The following PDE4D variants were observed in gnomAD, a reference collection of about 807,000 sequenced individuals.
PDE4D encodes the protein 3',5'-cyclic-AMP phosphodiesterase 4D.
Under a neutral mutation model 87.4 loss-of-function variants are expected in PDE4D, and 24 were observed. That is an observed-to-expected ratio of 0.27 (90% CI 0.20 to 0.39). The LOEUF (loss-of-function observed/expected upper bound fraction) is 0.39, where lower values mean the gene tolerates loss of function less well. PDE4D is among the 10% of genes least tolerant of loss of function. The probability of loss-of-function intolerance (pLI) is 1.00; values close to 1 mark genes in which losing one functional copy is unlikely to be tolerated. For missense variants in PDE4D, 714 were observed against 1,041.0 expected (o/e 0.69, Z 4.32); for synonymous variants, 384 against 383.2 (o/e 1.00, Z -0.02).
intron 1 of PDE4D, among the ~76,000 whole-genome samples, chr5:60,260,407 T>C (rs1749528567): frequency 6.6e-6 from 1 of 152,106 alleles, no homozygotes; most frequent in Admixed American, 6.6e-5. Flanking sequence ...AAAAATCACA[T>C]ATTTTGGATA....
chr5:59,897,616 G>A (rs1174124467), upstream of PDE4D, among the ~76,000 whole-genome samples: 6 of 144,624 alleles, frequency 4.1e-5, no homozygotes, highest in African/African-American at 1.6e-4. Context: ...CCCACCCCCC[G>A]ACAGGCCCCA....
At chr5:60,394,189 C>T (rs1053937490) in intron 1 of PDE4D, among the ~76,000 whole-genome samples, 7 of 152,180 alleles carry the variant, frequency 4.6e-5, no homozygotes, top group Non-Finnish European at 7.4e-5. Flanking sequence ...AACATGAAGA[C>T]TCCAAAATAT....
At chr5:59,630,693 G>C (rs1023106221) in intron 1 of PDE4D, among the ~76,000 whole-genome samples, 1 of 152,140 alleles carries the variant, frequency 6.6e-6, no homozygotes, top group African/African-American at 2.4e-5. Context: ...CTTGATGAGT[G>C]ACAAGGTCAC....
At chr5:59,548,469 T>C (rs1035868908) in intron 1 of PDE4D, among the ~76,000 whole-genome samples, 1 of 152,182 alleles carries the variant, frequency 6.6e-6, no homozygotes, top group Non-Finnish European at 1.5e-5. Flanking sequence ...CCACCTAGGT[T>C]CTAAAGATTC....
chr5:59,964,727 C>A (rs75266340), intron 3 of PDE4D, among the ~76,000 whole-genome samples: 6,027 of 152,192 alleles, frequency 0.04, 354 homozygotes, highest in East Asian at 0.13. Context: ...CACAGAAACT[C>A]TTGTTGCACT....
chr5:59,200,232 T>C (rs1746797592), intron 2 of PDE4D, among the ~76,000 whole-genome samples: 1 of 143,300 alleles, frequency 7.0e-6, no homozygotes, highest in South Asian at 2.1e-4. Flanking sequence ...TATACATACA[T>C]ATGTGTATGT....
chr5:59,578,102 T>C (rs1823481826), intron 1 of PDE4D, among the ~76,000 whole-genome samples: 1 of 152,170 alleles, frequency 6.6e-6, no homozygotes, highest in Non-Finnish European at 1.5e-5. Context: ...GAAAGGTTCC[T>C]ATTAAAAAGG....
At chr5:59,356,900 G>C in intron 1 of PDE4D, 37 of 1,477,442 alleles carry the variant, frequency 2.5e-5, no homozygotes, top group Non-Finnish European at 3.3e-5. Flanking sequence ...GAGCTGGTGC[G>C]GGGCTCTGGG....
intron 1 of PDE4D, among the ~76,000 whole-genome samples, chr5:59,516,386 A>G (rs1424124172): frequency 2.0e-5 from 3 of 152,066 alleles, no homozygotes; most frequent in African/African-American, 7.2e-5. Context: ...CACTCCACCA[A>G]TTCTGGAGGG....
chr5:59,283,760 T>C (rs1208887845), intron 1 of PDE4D, among the ~76,000 whole-genome samples: 2 of 152,134 alleles, frequency 1.3e-5, no homozygotes, highest in African/African-American at 2.4e-5. Flanking sequence ...AACTCAGAAG[T>C]TCAGTCTCCT....
intron 1 of PDE4D, among the ~76,000 whole-genome samples, chr5:59,574,678 T>C (rs1822834698): frequency 1.3e-5 from 2 of 152,270 alleles, no homozygotes; most frequent in South Asian, 4.1e-4. Flanking sequence ...TCCTACCCAC[T>C]CTTCAACCTC....
intron 1 of PDE4D, among the ~76,000 whole-genome samples, chr5:59,868,644 G>C (rs570641613): frequency 1.3e-5 from 2 of 152,120 alleles, no homozygotes; most frequent in Non-Finnish European, 2.9e-5. Flanking sequence ...AACTCCATCA[G>C]TAATGTCTAA....
chr5:59,248,626 GT>G (rs1273719937), intron 1 of PDE4D, among the ~76,000 whole-genome samples: 1 of 152,132 alleles, frequency 6.6e-6, no homozygotes, highest in Non-Finnish European at 1.5e-5. Context: ...TGTTATAGTT[GT>G]AATGTAGTAT....
In PDE4D at chr5:59,929,498, G is replaced by C. The variant is rs542699766; in HGVS notation, c.272+58990C>G. Among the ~76,000 whole-genome samples the C allele has an allele frequency of 2.0e-5, 3 of 147,460 alleles. 1 individual carries two copies. Among genetic ancestry groups the C allele is most frequent in the African/African-American group, 8.0e-5 (3 of 37,596 alleles). ...GTTATTTAAGGATGTGGTATCTACA[G>C]TCTTTTTTTTTTTAATTCAAAATTG... On this transcript the variant is annotated intron_variant, in intron 3 of 16. Coordinates refer to the PDE4D transcript ENST00000502484.
At chr5:59,208,617 T>C (rs115754038) in intron 2 of PDE4D, among the ~76,000 whole-genome samples, 2,639 of 142,752 alleles carry the variant, frequency 0.018, 76 homozygotes, top group African/African-American at 0.062. Flanking sequence ...CAGGATTTCA[T>C]TTTTATGATT....
At chr5:59,760,421 A>C (rs1761826814) in intron 1 of PDE4D, among the ~76,000 whole-genome samples, 1 of 152,312 alleles carries the variant, frequency 6.6e-6, no homozygotes, top group African/African-American at 2.4e-5. Flanking sequence ...TTAAAAATAC[A>C]TATGTGTATA....
At chr5:59,394,429 C>T (rs745825397) in intron 1 of PDE4D, among the ~76,000 whole-genome samples, 2 of 152,148 alleles carry the variant, frequency 1.3e-5, no homozygotes, top group Non-Finnish European at 2.9e-5. Flanking sequence ...GATGTTCTGA[C>T]AGCCTGGTAT....
chr5:59,361,594 C>G (rs776521914), intron 1 of PDE4D, among the ~76,000 whole-genome samples: 1 of 152,092 alleles, frequency 6.6e-6, no homozygotes, highest in East Asian at 1.9e-4. Context: ...CCCTGCCTCC[C>G]CATACCAGGT....
intron 1 of PDE4D, among the ~76,000 whole-genome samples, chr5:59,351,721 T>C (rs1780563299): frequency 6.6e-6 from 1 of 152,170 alleles, no homozygotes; most frequent in African/African-American, 2.4e-5. Flanking sequence ...TTTTGATGCT[T>C]TTGCTTAGCA....
Sources: allele counts gnomAD v4.1 joint callset (sites outside exome capture counted in the v4.1 genomes callset), GRCh38; gene constraint gnomAD v4.1.1; transcripts MANE v1.5; gene names NCBI Gene and HGNC (gene_info 2026-07-23, HGNC 2026-07-21).